The following MICALL1 variants were observed in gnomAD, a reference collection of about 807,000 sequenced individuals.
MICALL1 encodes MICAL like 1.
MICALL1 carries 61 observed loss-of-function variants against 83.7 expected under a neutral mutation model. The ratio of observed to expected loss-of-function variants is 0.73; its 90% confidence interval spans 0.59 to 0.90. The LOEUF is 0.90. Ranked by LOEUF, MICALL1 falls within the 40% of genes least tolerant of loss-of-function variation. The pLI, the probability that MICALL1 is intolerant of heterozygous loss-of-function variation, is 0.00. For synonymous variants in MICALL1, 481 were observed against 473.6 expected (o/e 1.02, Z -0.20); for missense variants, 1,066 against 1,152.0 (o/e 0.93, Z 1.08).
chr22:37,928,604 C>T (rs1178674591), intron 9 of MICALL1, among the ~76,000 whole-genome samples: 14 of 152,194 alleles, frequency 9.2e-5, no homozygotes, highest in Non-Finnish European at 1.9e-4. Context: ...GGCACAAACC[C>T]GTCTGTCCAT....
intron 8 of MICALL1, 77 bp downstream of exon 8, chr22:37,926,120 G>A (rs1929425053): frequency 2.0e-6 from 3 of 1,474,840 alleles, no homozygotes; most frequent in Admixed American, 2.5e-5. Flanking sequence ...GGGTGTGGTG[G>A]GGCAGAGCCT....
chr22:37,937,727 C>T lies in MICALL1; in HGVS notation c.2424-19C>T. 1 of 1,612,390 alleles carries T rather than the reference C, an allele frequency of 6.2e-7. No homozygotes were observed. ...GTGTGAGCCACCACGCCCAGCTTAACTGCTGCTGCTTATTTCAGGGAGGAA... is the reference window on the plus strand; with the variant it reads ...GTGTGAGCCACCACGCCCAGCTTAATTGCTGCTGCTTATTTCAGGGAGGAA... On this transcript the variant is annotated intron_variant, in intron 14 of 15. Coordinates refer to ENST00000215957, the MANE Select transcript of MICALL1 (RefSeq NM_033386.4).
chr22:37,923,926 C>T (rs1929256117), intron 6 of MICALL1, among the ~76,000 whole-genome samples: 6 of 152,092 alleles, frequency 3.9e-5, no homozygotes, highest in Admixed American at 3.9e-4. Flanking sequence ...CAGTGGAGAC[C>T]CCTGGCCCAT....
chr22:37,922,099 C>A lies in MICALL1; in HGVS notation c.697C>A (p.Pro233Thr). ...PGTRSGTRPGPFSQPKQQHQQ... is the reference protein window; with the variant it reads ...PGTRSGTRPGTFSQPKQQHQQ... ...GACACGGTCGGGGACCAGGCCTGGGCCCTTCTCACAGCCAAAGCAGCAGCA... is the reference window on the plus strand; with the variant it reads ...GACACGGTCGGGGACCAGGCCTGGGACCTTCTCACAGCCAAAGCAGCAGCA... Residue 233 changes from proline (P) to threonine (T), a missense_variant, in exon 6 of 16, where the codon CCC (proline) becomes ACC (threonine). By Grantham distance (38) the Pro-to-Thr change is conservative (BLOSUM62 -1). Coordinates refer to ENST00000215957, the MANE Select transcript of MICALL1 (RefSeq NM_033386.4). The A allele has an allele frequency of 6.2e-7, 1 of 1,613,354 alleles. No homozygotes were observed. Among genetic ancestry groups the A allele is most frequent in the Non-Finnish European group, 8.5e-7 (1 of 1,180,006 alleles).
At chr22:37,917,449 G>A (rs1928749553) in intron 3 of MICALL1, among the ~76,000 whole-genome samples, 1 of 152,182 alleles carries the variant, frequency 6.6e-6, no homozygotes, top group Non-Finnish European at 1.5e-5. Context: ...GCCATTGTTC[G>A]GATTGGCTCT....
At chr22:37,911,340 G>C (rs563298280) in intron 1 of MICALL1, among the ~76,000 whole-genome samples, 27 of 152,316 alleles carry the variant, frequency 1.8e-4, no homozygotes, top group Admixed American at 1.4e-3. Context: ...TTCATCTGCA[G>C]GCTGGACCGG....
At chr22:37,908,903 C>T (rs549012804) in intron 1 of MICALL1, among the ~76,000 whole-genome samples, 124 of 152,142 alleles carry the variant, frequency 8.2e-4, no homozygotes, top group Non-Finnish European at 1.3e-3. Context: ...AGGCAAGGGG[C>T]GGGAGGTGTG....
rs1393973758 is a variant in MICALL1, at chr22:37,906,586, G to A, written c.146+18G>A. 2 of 1,163,012 alleles carry A rather than the reference G, an allele frequency of 1.7e-6. No individual in the cohort carries two copies. Among genetic ancestry groups the A allele is most frequent in the East Asian group, 4.0e-5 (1 of 24,766 alleles). 72.0% of individuals were successfully genotyped at this position (1,163,012 alleles called of 1,614,324 possible). The stretch of plus-strand genomic sequence containing the variant: ...GACCTGCTGTGAGTGCGGGGCCCCG[G>A]GCGAGCGGGCGGCGCGGGGCGGGCT... On this transcript the variant is annotated intron_variant, in intron 1 of 15. Transcript: ENST00000215957. The surrounding 1 kb of genome is among the most constrained non-coding windows in gnomAD (Gnocchi z 4.4).
Position 37,932,758 on chromosome 22 carries a change from T to C in MICALL1, c.2144-40T>C. ...ATTCCCCGGGGAACTGAGCCAGGCA[T>C]GGCAGCCAGCCCTGGCCTCAGTGGG... On this transcript the variant is annotated intron_variant, in intron 11 of 15. Coordinates refer to ENST00000215957, the MANE Select transcript of MICALL1 (RefSeq NM_033386.4). This position sits in a 1 kb window ranked among gnomAD's most constrained non-coding sequence, Gnocchi z 4.4. The C allele has an allele frequency of 6.2e-7, 1 of 1,613,572 alleles. No homozygotes were observed. The highest frequency in any genetic ancestry group is 2.2e-5 in the East Asian group (1 of 44,820).
At chr22:37,931,775 T>G (rs1929799327) in intron 9 of MICALL1, 24 bp from the exon 10 acceptor site, 2 of 1,613,568 alleles carry the variant, frequency 1.2e-6, no homozygotes, top group African/African-American at 2.7e-5. Flanking sequence ...AGGCTCACCC[T>G]CTGTCATGTC....
intron 13 of MICALL1, among the ~76,000 whole-genome samples, chr22:37,933,793 C>T (rs1929933793): frequency 6.6e-6 from 1 of 152,192 alleles, no homozygotes; most frequent in Admixed American, 6.5e-5. Flanking sequence ...CAGCCCTGGG[C>T]AAGGGCCATC....
intron 13 of MICALL1, among the ~76,000 whole-genome samples, chr22:37,934,852 T>A (rs1437503037): frequency 6.6e-6 from 1 of 151,098 alleles, no homozygotes; most frequent in East Asian, 1.9e-4. Flanking sequence ...CACCTTAGCC[T>A]CCCAAAGTGC....
At chr22:37,911,508 CCAAA>C (rs1372356094) in intron 1 of MICALL1, among the ~76,000 whole-genome samples, 1 of 152,184 alleles carries the variant, frequency 6.6e-6, no homozygotes, top group Non-Finnish European at 1.5e-5. Context: ...TCAATTCTTG[CCAAA>C]CAGAGTTGCT....
chr22:37,924,765 G>A lies in MICALL1; in HGVS notation c.1082+48G>A, dbSNP rs779495877. ...TTCCTGCTTTGGAGGTCCTGGTGGT[G>A]GGAATCAGGGTACTCTGGGGCCGGG... On this transcript the variant is annotated intron_variant, in intron 7 of 15. Coordinates refer to ENST00000215957, the MANE Select transcript of MICALL1 (RefSeq NM_033386.4). This position sits in a 1 kb window ranked among gnomAD's most constrained non-coding sequence, Gnocchi z 5.2. 5.0e-6 allele frequency: 8 copies of A among 1,590,336 alleles called. No individual in the cohort carries two copies. In the South Asian group the frequency reaches 7.8e-5, roughly 16 times the overall value.
Position 37,925,709 on chromosome 22 carries a change from A to G in MICALL1, c.1131A>G (p.Ala377=). 2 of 1,601,668 alleles carry G rather than the reference A, an allele frequency of 1.2e-6. No homozygotes were observed. Among genetic ancestry groups the G allele is most frequent in the Middle Eastern group, 2.0e-4 (1 of 4,982 alleles). The change falls in exon 8 of 16, where the codon GCA becomes GCG. Residue 377 remains alanine (A), a synonymous_variant. Transcript: ENST00000215957. The stretch of plus-strand genomic sequence containing the variant: ...CCCCATGGATCACGCTGGTGCAGGC[A>G]GAACCAAAGAAGAAGCCAGCCCCAC... ...KDPPWITLVQ[A]EPKKKPAPLP... is the part of the protein sequence containing the mutation.
At chr22:37,931,717 C>T in intron 9 of MICALL1, 82 bp from the exon 10 acceptor site, 1 of 1,563,766 alleles carries the variant, frequency 6.4e-7, no homozygotes, top group Non-Finnish European at 8.7e-7. Flanking sequence ...GGCCTGCTTT[C>T]CATGTTCCCA....
At chr22:37,910,956 C>G (rs978349174) in intron 1 of MICALL1, among the ~76,000 whole-genome samples, 1 of 152,254 alleles carries the variant, frequency 6.6e-6, no homozygotes, top group Non-Finnish European at 1.5e-5. Flanking sequence ...CCTCTGCCCA[C>G]CCATCTCCGG....
chr22:37,922,457 C>G, intron 6 of MICALL1, 31 bp downstream of exon 6: 2 of 1,461,982 alleles, frequency 1.4e-6, no homozygotes, highest in East Asian at 2.5e-5. Flanking sequence ...GCAGGGGGCA[C>G]CGGGTGGCAG....
chr22:37,934,692 G>T (rs1929993363), intron 13 of MICALL1, among the ~76,000 whole-genome samples: 1 of 151,098 alleles, frequency 6.6e-6, no homozygotes, highest in Non-Finnish European at 1.5e-5. Context: ...TGCCTCCCGG[G>T]TTCACGCCAT....
Sources: gnomAD v4.1 joint callset for allele counts (sites outside exome capture counted in the v4.1 genomes callset) on GRCh38, gnomAD v4.1.1 for gene constraint, Gnocchi (gnomAD v3.1) non-coding constraint, MANE v1.5 for transcripts, NCBI Gene and HGNC (gene_info 2026-07-23, HGNC 2026-07-21) for gene names.